ABCG1: variants seen among roughly 807,000 people sequenced by gnomAD.
ABCG1 encodes ATP-binding cassette sub-family G member 1.
Under a neutral mutation model 69.2 loss-of-function variants are expected in ABCG1, and 29 were observed. The observed-to-expected ratio is 0.42, with a 90% CI of 0.31 to 0.57. The LOEUF (loss-of-function observed/expected upper bound fraction) is 0.57, where lower values mean the gene tolerates loss of function less well. Ranked by LOEUF, ABCG1 falls within the 20% of genes least tolerant of loss-of-function variation. The probability of loss-of-function intolerance (pLI) is 0.15; values close to 1 mark genes in which losing one functional copy is unlikely to be tolerated. For missense variants in ABCG1, 718 were observed against 898.1 expected (o/e 0.80, Z 2.56); for synonymous variants, 370 against 374.8 (o/e 0.99, Z 0.15).
chr21:42,222,057 G>A (rs545945912), intron 1 of ABCG1, among the ~76,000 whole-genome samples: 1 of 152,140 alleles, frequency 6.6e-6, no homozygotes, highest in Non-Finnish European at 1.5e-5. Context: ...TTACTATGAC[G>A]TACAATGTAT....
intron 2 of ABCG1, among the ~76,000 whole-genome samples, chr21:42,268,305 G>A (rs1334107209): frequency 6.6e-6 from 1 of 152,108 alleles, no homozygotes; most frequent in African/African-American, 2.4e-5. Context: ...TTCTGTAATG[G>A]GAACCAAGTG....
intron 13 of ABCG1, among the ~76,000 whole-genome samples, chr21:42,293,644 C>T (rs2069139209): frequency 6.7e-6 from 1 of 149,080 alleles, no homozygotes; most frequent in Non-Finnish European, 1.5e-5. Flanking sequence ...ACACACCACA[C>T]ACACTACACA....
At chr21:42,248,423 G>C (rs902415353) in intron 2 of ABCG1, among the ~76,000 whole-genome samples, 3 of 150,610 alleles carry the variant, frequency 2.0e-5, no homozygotes, top group Admixed American at 6.6e-5. Context: ...CACCACCCGT[G>C]GGGGGTGCAG....
At chr21:42,210,306 C>T (rs2067576270) in intron 2 of ABCG1, among the ~76,000 whole-genome samples, 1 of 152,120 alleles carries the variant, frequency 6.6e-6, no homozygotes, top group Non-Finnish European at 1.5e-5. Flanking sequence ...CACACGGAGT[C>T]AGGGGTGGGA....
chr21:42,246,577 C>T (rs2068137096), intron 2 of ABCG1, among the ~76,000 whole-genome samples: 2 of 152,128 alleles, frequency 1.3e-5, no homozygotes, highest in Admixed American at 1.3e-4. Flanking sequence ...AATGTAATTT[C>T]AAGATACAAT....
intron 2 of ABCG1, among the ~76,000 whole-genome samples, chr21:42,235,036 G>A (rs1407575982): frequency 6.6e-6 from 1 of 152,158 alleles, no homozygotes. Flanking sequence ...CCTGGGACAG[G>A]GGCGGCCCTA....
Position 42,294,611 on chromosome 21 carries a change from G to A in ABCG1, c.1723G>A (p.Asp575Asn), listed in dbSNP as rs2069167497. ...LLFSGFFVSF[D>N]TIPTYLQWMS... ...GTTCTCGGGGTTCTTCGTCAGCTTC[G>A]ACACCATCCCCACGTACCTACAGTG... Residue 575 changes from aspartate to asparagine, a missense_variant, in exon 14 of 15, where the codon GAC (aspartate) becomes AAC (asparagine). Around this residue, in one of 2 missense-constraint regions of ABCG1, gnomAD observed 204 missense variants for 323.8 expected, o/e 0.63. Transcript: ENST00000398449. 7 of 1,614,070 alleles carry A rather than the reference G, an allele frequency of 4.3e-6. No homozygotes were observed. Among genetic ancestry groups the A allele is most frequent in the African/African-American group, 1.3e-5 (1 of 74,926 alleles).
rs189705274 is a variant in ABCG1, at chr21:42,235,059, C to T, written c.286+9145C>T. On this transcript the variant is annotated intron_variant, in intron 2 of 14. Transcript: ENST00000398449. ...AGGGGCGGCCCTATGCATAGGGGAT[C>T]ACCCGGGCCATGCAAATCCCGGCGC... Among the ~76,000 whole-genome samples the T allele has an allele frequency of 2.4e-3, 360 of 152,226 alleles. 2 individuals are homozygous for T. Among genetic ancestry groups the T allele is most frequent in the African/African-American group, 8.2e-3 (341 of 41,558 alleles).
rs1338437000 is a variant in ABCG1 at position 42,276,713 on chromosome 21, T to C, written c.538-182T>C. On this transcript the variant is annotated intron_variant, in intron 4 of 14. Coordinates refer to ENST00000398449, the MANE Select transcript of ABCG1 (RefSeq NM_016818.3). The surrounding 1 kb of genome is among the most constrained non-coding windows in gnomAD (Gnocchi z 5.3). ...GCACCGTGACTAGTGGCACCGTGGC[T>C]AGCTGCACCGTGGCTAGCGGCATTG... The C allele has an allele frequency of 6.3e-6, 4 of 631,624 alleles. No individual in the cohort carries two copies. The highest frequency in any genetic ancestry group is 5.3e-5 in the Admixed American group (2 of 37,520). The allele number at this position is 631,624 out of a possible 1,614,324, so 39.1% of individuals were successfully genotyped here.
Position 42,291,119 on chromosome 21 carries a change from G to A in ABCG1, c.1421G>A (p.Arg474Gln), listed in dbSNP as rs1323511115. 1 of 1,614,038 alleles carries A rather than the reference G, an allele frequency of 6.2e-7. No individual in the cohort carries two copies. Among genetic ancestry groups the A allele is most frequent in the Non-Finnish European group, 8.5e-7 (1 of 1,179,962 alleles). ...CCCCTGGAGATGGGAGTCTTTCTTC[G>A]GGAACACCTGAACTACTGGTACAGC... is the stretch of plus-strand genomic sequence containing the variant. ...TFPLEMGVFL[R>Q]EHLNYWYSLK... The change falls in exon 12 of 15, where the codon CGG (arginine) becomes CAG (glutamine). Residue 474 changes from arginine to glutamine, a missense_variant. Physicochemically the swap from Arg to Gln is conservative, Grantham distance 43 (BLOSUM62 1). Transcript: ENST00000398449. This position sits in a 1 kb window ranked among gnomAD's most constrained non-coding sequence, Gnocchi z 6.4.
At position 42,288,058 on chromosome 21, in the gene ABCG1, A is replaced by C. The variant is rs369893716; in HGVS notation, c.1122+21A>C. 336 of 1,605,934 alleles carry C rather than the reference A, an allele frequency of 2.1e-4. No homozygotes were observed. The highest frequency in any genetic ancestry group is 2.8e-4 in the Non-Finnish European group (323 of 1,174,100). ...AAGAGGTAAAGCAGACAAAACGATT[A>C]AAGGGGTTGAGAAAGGTAATGCAAA... On this transcript the variant is annotated intron_variant, in intron 9 of 14. Transcript: ENST00000398449. The surrounding 1 kb of genome is among the most constrained non-coding windows in gnomAD (Gnocchi z 4.8).
chr21:42,243,434 CCGTGTGTGTGCG>C (rs1316034599), intron 2 of ABCG1, among the ~76,000 whole-genome samples: 1 of 102,436 alleles, frequency 9.8e-6, no homozygotes, highest in African/African-American at 4.8e-5. Flanking sequence ...TATTTTAATA[CCGTGTGTGTGCG>C]CGTGTGTGTG....
chr21:42,293,300 ACAC>A (rs2069122447), intron 13 of ABCG1, among the ~76,000 whole-genome samples: 1 of 126,396 alleles, frequency 7.9e-6, no homozygotes, highest in South Asian at 2.4e-4. Flanking sequence ...CACACCACAC[ACAC>A]TACACACCAC....
Position 42,288,449 on chromosome 21 carries a change from T to C in ABCG1, c.1224+137T>C, listed in dbSNP as rs2068991050. The stretch of plus-strand genomic sequence containing the variant: ...GAGGCCAGGCATGGTGACTCATGTC[T>C]GTAACCCCAGCACTTTGGGAGGCCA... On this transcript the variant is annotated intron_variant, in intron 10 of 14. Coordinates refer to ENST00000398449, the MANE Select transcript of ABCG1 (RefSeq NM_016818.3). The surrounding 1 kb of genome is among the most constrained non-coding windows in gnomAD (Gnocchi z 4.8). 7.2e-6 allele frequency: 5 copies of C among 693,060 alleles called. No homozygotes were observed. The highest frequency in any genetic ancestry group is 1.2e-5 in the Non-Finnish European group (5 of 411,082). 42.9% of individuals were successfully genotyped at this position (693,060 alleles called of 1,614,324 possible). A position where few individuals can be genotyped will look rare whatever the true frequency, so the allele number is the denominator to read the frequency against.
intron 2 of ABCG1, among the ~76,000 whole-genome samples, chr21:42,269,980 C>G (rs2068586386): frequency 6.6e-6 from 1 of 152,162 alleles, no homozygotes; most frequent in South Asian, 2.1e-4. Context: ...GAGAAGTGCC[C>G]CTGGGCCGGG....
intron 2 of ABCG1, among the ~76,000 whole-genome samples, chr21:42,245,344 A>G (rs1049464370): frequency 6.7e-6 from 1 of 149,578 alleles, no homozygotes; most frequent in Non-Finnish European, 1.5e-5. Flanking sequence ...AGTTATAAAA[A>G]TTATTAAGGA....
Position 42,258,044 on chromosome 21 carries a change from AC to A in ABCG1, c.287-13025del, listed in dbSNP as rs1324169528. On this transcript the variant is annotated intron_variant, in intron 2 of 14. Coordinates refer to ENST00000398449, the MANE Select transcript of ABCG1 (RefSeq NM_016818.3). ...CATCAGCCTCTCCATCCATCCCTCCACTCATCCCTCAACTCACCTCTTCATC... is the reference window on the plus strand; with the variant it reads ...CATCAGCCTCTCCATCCATCCCTCCATCATCCCTCAACTCACCTCTTCATC... Among the ~76,000 whole-genome samples the A allele has an allele frequency of 3.3e-3, 283 of 86,202 alleles. 3 individuals are homozygous for A. The highest frequency in any genetic ancestry group is 4.7e-3 in the Admixed American group (42 of 8,852). 56.6% of individuals were successfully genotyped at this position (86,202 alleles called of 152,430 possible).
At chr21:42,290,256 C>G in intron 11 of ABCG1, 38 bp downstream of exon 11, 1 of 1,594,258 alleles carries the variant, frequency 6.3e-7, no homozygotes, top group Non-Finnish European at 8.6e-7. Context: ...TCCTTATTTT[C>G]AATTCCTACC....
chr21:42,282,536 A>C (rs992061472), intron 6 of ABCG1, 117 bp downstream of exon 6: 317 of 1,246,090 alleles, frequency 2.5e-4, no homozygotes, highest in Non-Finnish European at 3.1e-4. Context: ...AGTTGAGCTC[A>C]CCCGGCGGTT....
Sources: gnomAD v4.1 joint callset for allele counts (sites outside exome capture counted in the v4.1 genomes callset) on GRCh38, gnomAD v4.1.1 for gene constraint, gnomAD v4.1.1 regional missense constraint, Gnocchi (gnomAD v3.1) non-coding constraint, MANE v1.5 for transcripts, NCBI Gene and HGNC (gene_info 2026-07-23, HGNC 2026-07-21) for gene names.